ARHGAP20: variants seen among roughly 807,000 people sequenced by gnomAD.
ARHGAP20 encodes the protein rho GTPase-activating protein 20.
In ARHGAP20, 34 loss-of-function variants were observed where a neutral mutation model predicts 73.7. That is an observed-to-expected ratio of 0.46 (90% CI 0.35 to 0.61). The LOEUF is 0.61. ARHGAP20 is among the 20% of genes least tolerant of loss of function. The probability of loss-of-function intolerance (pLI) is 0.00; values close to 1 mark genes in which losing one functional copy is unlikely to be tolerated. For synonymous variants in ARHGAP20, 523 were observed against 518.2 expected, an observed-to-expected ratio of 1.01 and a Z score of -0.13; for missense variants, 1,314 against 1,420.9, an observed-to-expected ratio of 0.92 and a Z score of 1.21.
chr11:110,658,256 TTAC>T (rs2135033512), intron 2 of ARHGAP20, among the ~76,000 whole-genome samples: 1 of 152,312 alleles, frequency 6.6e-6, no homozygotes, highest in Admixed American at 6.5e-5. Context: ...ATAATGGCTG[TTAC>T]TACTGATAGT....
intron 2 of ARHGAP20, among the ~76,000 whole-genome samples, chr11:110,658,777 TTTA>T (rs1451005569): frequency 5.5e-5 from 8 of 145,884 alleles, no homozygotes; most frequent in Admixed American, 5.5e-4. Context: ...GTTGTTGTTA[TTTA>T]TTGTTTTGTT....
chr11:110,692,733 A>G (rs2135122033), intron 1 of ARHGAP20, among the ~76,000 whole-genome samples: 1 of 152,232 alleles, frequency 6.6e-6, no homozygotes, highest in Non-Finnish European at 1.5e-5. Flanking sequence ...ATGATCTGAG[A>G]TTCTTCATTT....
chr11:110,660,367 G>C (rs912360425), intron 2 of ARHGAP20, among the ~76,000 whole-genome samples: 14 of 152,262 alleles, frequency 9.2e-5, no homozygotes, highest in Non-Finnish European at 1.8e-4. Context: ...CCTACAGAAA[G>C]AACTGTGTGA....
rs796651019 is a variant in ARHGAP20 at position 110,651,439 on chromosome 11, G to GT, written c.189-20648dup. Among the ~76,000 whole-genome samples, 319 of 150,906 alleles carry GT rather than the reference G, an allele frequency of 2.1e-3. 2 individuals carry two copies. The highest frequency in any genetic ancestry group is 6.8e-3 in the Middle Eastern group (2 of 294). ...CAGAACAACAACAAATCCAGGAGCTGTTTTTTTTTAAATTTAATGAAATAT... is the reference window on the plus strand; with the variant it reads ...CAGAACAACAACAAATCCAGGAGCTGTTTTTTTTTTAAATTTAATGAAATAT... On this transcript the variant is annotated intron_variant, in intron 2 of 14. Transcript: ENST00000683387.
chr11:110,594,245 A>G (rs1466174343), intron 9 of ARHGAP20, among the ~76,000 whole-genome samples: 2 of 152,204 alleles, frequency 1.3e-5, no homozygotes, highest in Admixed American at 6.5e-5. Flanking sequence ...TGCATCATCA[A>G]TGTACACACA....
chr11:110,694,688 T>C (rs1440315968), intron 1 of ARHGAP20, among the ~76,000 whole-genome samples: 1 of 151,680 alleles, frequency 6.6e-6, no homozygotes, highest in Non-Finnish European at 1.5e-5. Context: ...CTTATGTTTC[T>C]GACCCCTTCT....
Position 110,581,114 on chromosome 11 carries a change from C to T in ARHGAP20, c.1832G>A (p.Ser611Asn), listed in dbSNP as rs1156680897. ...GGTTAAGACAGAGTCCATGCTTCTG[C>T]TCCCCTGGCCAAGTTTCTTTACCAA... ...SDLVKKLGQGSRSMDSVLTLS... is the reference protein window; with the variant it reads ...SDLVKKLGQGNRSMDSVLTLS... Residue 611 changes from serine to asparagine, a missense_variant, in exon 15 of 15, where the codon AGC (serine) becomes AAC (asparagine). This residue lies in a region of ARHGAP20 where 230 missense variants were observed against 317.6 expected (regional missense o/e 0.72). Coordinates refer to ENST00000683387, the MANE Select transcript of ARHGAP20 (RefSeq NM_001384657.1). 2 of 1,614,204 alleles carry T rather than the reference C, an allele frequency of 1.2e-6. No individual in the cohort carries two copies. Among genetic ancestry groups the T allele is most frequent in the South Asian group, 2.2e-5 (2 of 91,086 alleles).
At chr11:110,704,294 A>G (rs1455036278) in intron 1 of ARHGAP20, among the ~76,000 whole-genome samples, 1 of 152,198 alleles carries the variant, frequency 6.6e-6, no homozygotes, top group Non-Finnish European at 1.5e-5. Flanking sequence ...AAGGCCACAG[A>G]GCAGCTGCGT....
At chr11:110,697,107 A>C (rs1950350681) in intron 1 of ARHGAP20, among the ~76,000 whole-genome samples, 1 of 151,394 alleles carries the variant, frequency 6.6e-6, no homozygotes, top group Non-Finnish European at 1.5e-5. Flanking sequence ...GTAGATACCC[A>C]GTAGTGGGAT....
intron 3 of ARHGAP20, among the ~76,000 whole-genome samples, chr11:110,630,255 T>C (rs148762533): frequency 6.6e-5 from 10 of 152,298 alleles, no homozygotes; most frequent in Admixed American, 2.6e-4. Flanking sequence ...TATGCCATCT[T>C]TTACTTCACC....
intron 2 of ARHGAP20, among the ~76,000 whole-genome samples, chr11:110,680,337 A>G (rs1367717287): frequency 6.6e-6 from 1 of 152,130 alleles, no homozygotes; most frequent in East Asian, 1.9e-4. Context: ...AAGCTTCTCA[A>G]TAATAGTAAT....
chr11:110,579,850 AAG>A lies in ARHGAP20; in HGVS notation c.3094_3095del (p.Leu1032SerfsTer67). ...EWHSQMHSVTLHPSTWLRNGV... is the reference protein window; with the variant it reads ...EWHSQMHSVTXHPSTWLRNGV... ...CATTTCTCAACCATGTGCTGGGATG[AAG>A]AGTTACAGAATGCATTTGTGAATGC... is the stretch of plus-strand genomic sequence containing the variant. On this transcript the variant is annotated frameshift_variant, in exon 15 of 15. Coordinates refer to ENST00000683387, the MANE Select transcript of ARHGAP20 (RefSeq NM_001384657.1). LOFTEE classifies it low-confidence loss of function (END_TRUNC). 6.2e-7 allele frequency: 1 copy of A among 1,614,168 alleles called. No homozygotes were observed. Among genetic ancestry groups the A allele is most frequent in the Non-Finnish European group, 8.5e-7 (1 of 1,180,034 alleles).
intron 12 of ARHGAP20, among the ~76,000 whole-genome samples, chr11:110,585,258 T>C (rs765288988): frequency 2.1e-4 from 32 of 152,064 alleles, no homozygotes; most frequent in Non-Finnish European, 4.4e-4. Flanking sequence ...GTGTTTATAT[T>C]TGCATGAGAG....
chr11:110,594,845 G>A (rs1011331228), intron 9 of ARHGAP20, among the ~76,000 whole-genome samples: 1 of 149,606 alleles, frequency 6.7e-6, no homozygotes, highest in Non-Finnish European at 1.5e-5. Context: ...AAAAAAAAAA[G>A]AGCATTTTAG....
intron 2 of ARHGAP20, among the ~76,000 whole-genome samples, chr11:110,637,636 G>C (rs1948995636): frequency 6.6e-6 from 1 of 152,090 alleles, no homozygotes; most frequent in Admixed American, 6.6e-5. Flanking sequence ...CCAGGCATAG[G>C]AACTAGATTG....
At chr11:110,604,004 G>A (rs1948165916) in intron 9 of ARHGAP20, among the ~76,000 whole-genome samples, 1 of 151,974 alleles carries the variant, frequency 6.6e-6, no homozygotes, top group African/African-American at 2.4e-5. Flanking sequence ...CATTAGATTT[G>A]TATTACATAA....
intron 9 of ARHGAP20, among the ~76,000 whole-genome samples, chr11:110,600,444 G>A (rs755874879): frequency 5.9e-5 from 9 of 152,210 alleles, no homozygotes; most frequent in Non-Finnish European, 1.0e-4. Flanking sequence ...TGTCCGCTAC[G>A]CTGCAGCAGC....
rs536606489 is a variant in ARHGAP20, at chr11:110,677,082, TTTGG to T, written c.188+13461_188+13464del. ...ATACAGAATGAAGTGGACAATTGAG[TTTGG>T]TTGGTCTTCATTATCATGATGTTTC... On this transcript the variant is annotated intron_variant, in intron 2 of 14. Transcript: ENST00000683387. Among the ~76,000 whole-genome samples the T allele has an allele frequency of 1.8e-3, 273 of 152,104 alleles. 3 individuals carry two copies. Among genetic ancestry groups the T allele is most frequent in the African/African-American group, 6.2e-3 (258 of 41,498 alleles).
At chr11:110,621,965 C>T (rs1948638814) in intron 4 of ARHGAP20, among the ~76,000 whole-genome samples, 1 of 152,200 alleles carries the variant, frequency 6.6e-6, no homozygotes, top group Admixed American at 6.5e-5. Context: ...TCGATTCTTT[C>T]AGTCTTAGCT....
Sources: gnomAD v4.1 joint callset for allele counts (sites outside exome capture counted in the v4.1 genomes callset) on GRCh38, gnomAD v4.1.1 for gene constraint, gnomAD v4.1.1 regional missense constraint, MANE v1.5 for transcripts, NCBI Gene and HGNC (gene_info 2026-07-23, HGNC 2026-07-21) for gene names.